The following BRWD1 variants were observed in gnomAD, a reference collection of about 807,000 sequenced individuals.
BRWD1 encodes bromodomain and WD repeat domain containing 1, also known as bromodomain and WD repeat-containing protein 1.
BRWD1 carries 82 observed loss-of-function variants against 251.2 expected under a neutral mutation model. The ratio of observed to expected loss-of-function variants is 0.33; its 90% CI spans 0.27 to 0.39. The LOEUF (loss-of-function observed/expected upper bound fraction) is 0.39, where lower values mean the gene tolerates loss of function less well. BRWD1 is among the 10% of genes least tolerant of loss of function. BRWD1 has a pLI of 1.00. For synonymous variants in BRWD1, 918 were observed against 902.8 expected, an observed-to-expected ratio of 1.02 and a Z score of -0.30; for missense variants, 2,233 against 2,711.6, an observed-to-expected ratio of 0.82 and a Z score of 3.92.
chr21:39,224,520 G>A, intron 28 of BRWD1, 51 bp from the exon 29 acceptor site: 1 of 1,181,814 alleles, frequency 8.5e-7, no homozygotes, highest in African/African-American at 1.5e-5. Flanking sequence ...AACAAAATGT[G>A]GATAATAGGT....
chr21:39,309,648 C>A (rs969841797), intron 4 of BRWD1, among the ~76,000 whole-genome samples: 6 of 151,586 alleles, frequency 4.0e-5, no homozygotes, highest in African/African-American at 1.5e-4. Context: ...CACAGTGAAA[C>A]CCCGCCTCTA....
At chr21:39,250,940 A>G in intron 19 of BRWD1, 51 bp from the exon 20 acceptor site, 1 of 1,057,748 alleles carries the variant, frequency 9.5e-7, no homozygotes, top group Non-Finnish European at 1.4e-6. Flanking sequence ...ATGGATAACT[A>G]AAGGATATAA....
chr21:39,235,687 T>C (rs2033785662), intron 23 of BRWD1: 2 of 207,990 alleles, frequency 9.6e-6, no homozygotes, highest in Admixed American at 8.6e-5. Flanking sequence ...CTGGGTTGGA[T>C]ACAAGGAGGT....
intron 4 of BRWD1, among the ~76,000 whole-genome samples, chr21:39,299,300 T>A (rs2036044385): frequency 1.3e-5 from 2 of 151,882 alleles, no homozygotes; most frequent in African/African-American, 4.8e-5. Flanking sequence ...GAAGCATACA[T>A]CTTTGAGAGA....
chr21:39,305,864 AAG>A (rs1491574743), intron 4 of BRWD1, among the ~76,000 whole-genome samples: 1 of 49,522 alleles, frequency 2.0e-5, no homozygotes, highest in Non-Finnish European at 4.0e-5. Context: ...CTGTCTCAAA[AAG>A]AAAAAAAAAA....
upstream of BRWD1, among the ~76,000 whole-genome samples, chr21:39,315,376 G>A (rs914957687): frequency 5.9e-5 from 9 of 151,992 alleles, no homozygotes; most frequent in Non-Finnish European, 8.8e-5. Context: ...GCTCACGCCT[G>A]TAGTCCCAAG....
At chr21:39,208,391 G>C (rs950024398) in intron 36 of BRWD1, among the ~76,000 whole-genome samples, 1 of 152,070 alleles carries the variant, frequency 6.6e-6, no homozygotes, top group Non-Finnish European at 1.5e-5. Flanking sequence ...CCAAGAAAGA[G>C]TTCTCAAATT....
chr21:39,286,923 C>T (rs553573431), intron 8 of BRWD1, among the ~76,000 whole-genome samples: 2 of 152,074 alleles, frequency 1.3e-5, no homozygotes, highest in Non-Finnish European at 2.9e-5. Flanking sequence ...AGATAAAAGT[C>T]GTAATAGTAC....
intron 8 of BRWD1, among the ~76,000 whole-genome samples, chr21:39,283,793 T>C (rs1377494053): frequency 6.6e-6 from 1 of 152,240 alleles, no homozygotes; most frequent in African/African-American, 2.4e-5. Context: ...CCATGTTTTG[T>C]TATGCCCCCT....
chr21:39,216,968 C>T (rs2032921641), intron 31 of BRWD1: 1 of 136,372 alleles, frequency 7.3e-6, no homozygotes. Flanking sequence ...GTGTGTTGTT[C>T]CCCTCTGTGT....
At chr21:39,235,772 C>T in intron 23 of BRWD1, 1 of 177,820 alleles carries the variant, frequency 5.6e-6, no homozygotes. Flanking sequence ...GAGCACCCAG[C>T]AGGGCAGCCA....
At chr21:39,281,881 T>C (rs74360963) in intron 8 of BRWD1, among the ~76,000 whole-genome samples, 1 of 73,582 alleles carries the variant, frequency 1.4e-5, no homozygotes, top group South Asian at 4.1e-4. Context: ...CCAAAAAAAA[T>C]ATATATATAT....
chr21:39,194,462 G>C lies in BRWD1; in HGVS notation c.*1797C>G. 1 of 1,374,302 alleles carries C rather than the reference G, an allele frequency of 7.3e-7. No individual in the cohort carries two copies. Among genetic ancestry groups the C allele is most frequent in the Non-Finnish European group, 9.4e-7 (1 of 1,066,200 alleles). 85.1% of individuals were successfully genotyped at this position (1,374,302 alleles called of 1,614,324 possible). ...AAGGACAATTATCATGAATCAATCT[G>C]TTTACTATCTACTTAACACAAGTTC... On this transcript the variant is annotated 3_prime_UTR_variant, in exon 41 of 41. Coordinates refer to ENST00000342449, the MANE Select transcript of BRWD1 (RefSeq NM_033656.4).
chr21:39,281,951 TAGAC>T (rs1158113396), intron 8 of BRWD1, among the ~76,000 whole-genome samples: 2 of 151,416 alleles, frequency 1.3e-5, no homozygotes, highest in Non-Finnish European at 2.9e-5. Context: ...TGTATATATG[TAGAC>T]ATATATGTAT....
chr21:39,222,020 A>G (rs1430531799), intron 29 of BRWD1, among the ~76,000 whole-genome samples: 2 of 152,332 alleles, frequency 1.3e-5, no homozygotes, highest in African/African-American at 4.8e-5. Flanking sequence ...GCAAATCGAA[A>G]TCACAATAAT....
intron 7 of BRWD1, among the ~76,000 whole-genome samples, chr21:39,294,654 C>CAAAAA (rs35545105): frequency 9.2e-4 from 91 of 98,844 alleles, no homozygotes; most frequent in African/African-American, 4.1e-3. Context: ...GACTCCGTCT[C>CAAAAA]AAAAAAAAAA....
chr21:39,255,348 G>GT (rs886098776), intron 19 of BRWD1, among the ~76,000 whole-genome samples: 3 of 151,876 alleles, frequency 2.0e-5, no homozygotes, highest in African/African-American at 7.3e-5. Context: ...GGAGGTGGAG[G>GT]TTGCAGTGAG....
At position 39,199,204 on chromosome 21, in the gene BRWD1, A is replaced by T; in HGVS notation, c.5212T>A (p.Tyr1738Asn). 1 of 1,614,174 alleles carries T rather than the reference A, an allele frequency of 6.2e-7. No homozygotes were observed. Among genetic ancestry groups the T allele is most frequent in the Non-Finnish European group, 8.5e-7 (1 of 1,180,026 alleles). The change falls in exon 40 of 41, where the codon TAC becomes AAC. Residue 1738 changes from tyrosine (Y) to asparagine (N), a missense_variant. Coordinates refer to ENST00000342449, the MANE Select transcript of BRWD1 (RefSeq NM_033656.4). ...GAAGGTGCTGGAGTATGGGACTTGT[A>T]ACCATTAGCATGCCAATTTTTCCGG... is the stretch of plus-strand genomic sequence containing the variant. The part of the protein sequence containing the change: ...VARKNWHANG[Y>N]KSHTPAPSKT...
intron 25 of BRWD1, among the ~76,000 whole-genome samples, chr21:39,231,461 T>C (rs1003888019): frequency 2.6e-5 from 4 of 152,222 alleles, no homozygotes; most frequent in Non-Finnish European, 5.9e-5. Context: ...TTCACTATTG[T>C]GGAATATCTG....
Sources: gnomAD v4.1 joint callset for allele counts (sites outside exome capture counted in the v4.1 genomes callset) on GRCh38, gnomAD v4.1.1 for gene constraint, MANE v1.5 for transcripts, NCBI Gene and HGNC (gene_info 2026-07-23, HGNC 2026-07-21) for gene names.